RBMS3: variants seen among roughly 807,000 people sequenced by gnomAD.
The protein encoded by RBMS3 is RNA-binding motif, single-stranded-interacting protein 3.
Under a neutral mutation model 66.8 loss-of-function variants are expected in RBMS3, and 27 were observed. The ratio of observed to expected loss-of-function variants is 0.40; its 90% CI spans 0.30 to 0.56. The LOEUF (loss-of-function observed/expected upper bound fraction) is 0.56. Among genes scored for constraint, RBMS3 ranks in the 20% least tolerant of loss-of-function variants. The pLI is 0.40. For synonymous variants in RBMS3, 188 were observed against 183.0 expected, an observed-to-expected ratio of 1.03 and a Z score of -0.22; for missense variants, 513 against 549.5, an observed-to-expected ratio of 0.93 and a Z score of 0.66.
intron 2 of RBMS3, among the ~76,000 whole-genome samples, chr3:29,453,759 G>A (rs769812638): frequency 7.9e-5 from 12 of 152,210 alleles, no homozygotes; most frequent in Non-Finnish European, 1.8e-4. Context: ...GAGGCTGGCT[G>A]GAAGAGGGCA....
chr3:29,446,972 G>T lies in RBMS3; in HGVS notation c.248+12057G>T, dbSNP rs542697167. ...TCTTGTTGCCCAGGCTGGAGTTCGTGGTGCCATCTTGGCTCACTGCACCTC... is the reference window on the plus strand; with the variant it reads ...TCTTGTTGCCCAGGCTGGAGTTCGTTGTGCCATCTTGGCTCACTGCACCTC... On this transcript the variant is annotated intron_variant, in intron 2 of 14. Transcript: ENST00000383767. Among the ~76,000 whole-genome samples, 130 of 134,916 alleles carry T rather than the reference G, an allele frequency of 9.6e-4. 1 individual carries two copies. Among genetic ancestry groups the T allele is most frequent in the African/African-American group, 3.4e-3 (125 of 36,704 alleles). 88.5% of individuals were successfully genotyped at this position (134,916 alleles called of 152,430 possible).
chr3:29,921,155 C>T (rs1334261246), intron 10 of RBMS3, among the ~76,000 whole-genome samples: 1 of 152,020 alleles, frequency 6.6e-6, no homozygotes, highest in Admixed American at 6.6e-5. Flanking sequence ...CTCTCCCTCC[C>T]AGGTTCAAGT....
At chr3:29,958,145 C>T (rs1490861505) in intron 12 of RBMS3, among the ~76,000 whole-genome samples, 1 of 152,162 alleles carries the variant, frequency 6.6e-6, no homozygotes, top group Non-Finnish European at 1.5e-5. Flanking sequence ...ACCCTTTCAT[C>T]TAGCAGAAAA....
At chr3:29,385,255 G>T (rs1393944128) in intron 1 of RBMS3, among the ~76,000 whole-genome samples, 8 of 152,102 alleles carry the variant, frequency 5.3e-5, no homozygotes, top group Non-Finnish European at 1.2e-4. Context: ...ATGCCCAGCA[G>T]ACCTTCGCAA....
intron 5 of RBMS3, among the ~76,000 whole-genome samples, chr3:29,747,037 AAACAC>A: frequency 6.6e-6 from 1 of 152,332 alleles, no homozygotes; most frequent in Non-Finnish European, 1.5e-5. Flanking sequence ...TACCTGCTGT[AAACAC>A]AAAGCATGTC....
At chr3:29,936,278 A>T (rs2061263769) in intron 11 of RBMS3, 82 bp downstream of exon 11, 20 of 1,273,242 alleles carry the variant, frequency 1.6e-5, no homozygotes, top group Non-Finnish European at 1.8e-5. Context: ...ATTATCAGTG[A>T]AACTGTGTCT....
chr3:29,879,692 T>C (rs1477075392), intron 7 of RBMS3, among the ~76,000 whole-genome samples: 1 of 152,174 alleles, frequency 6.6e-6, no homozygotes, highest in Admixed American at 6.5e-5. Flanking sequence ...ATATCAATGT[T>C]TTATTTGTCC....
At chr3:29,824,797 A>C (rs1338127217) in intron 6 of RBMS3, among the ~76,000 whole-genome samples, 1 of 152,216 alleles carries the variant, frequency 6.6e-6, no homozygotes, top group Non-Finnish European at 1.5e-5. Flanking sequence ...TAATTTAAAA[A>C]AGGTAATGCT....
intron 6 of RBMS3, among the ~76,000 whole-genome samples, chr3:29,832,775 C>A (rs7645960): frequency 0.091 from 13,878 of 152,156 alleles, 660 homozygotes; most frequent in East Asian, 0.16. Flanking sequence ...TACAGACTCC[C>A]TGAGGAAGTC....
intron 1 of RBMS3, among the ~76,000 whole-genome samples, chr3:29,296,733 G>T (rs555501676): frequency 6.6e-6 from 1 of 151,896 alleles, no homozygotes; most frequent in Non-Finnish European, 1.5e-5. Context: ...GTTAGACCAA[G>T]AATGTGTATT....
At chr3:29,912,111 G>A (rs1349376469) in intron 10 of RBMS3, among the ~76,000 whole-genome samples, 3 of 151,948 alleles carry the variant, frequency 2.0e-5, no homozygotes. Flanking sequence ...CAGACAGACA[G>A]AATATAGGTA....
intron 2 of RBMS3, among the ~76,000 whole-genome samples, chr3:29,438,092 C>T (rs1266243962): frequency 2.0e-5 from 3 of 151,290 alleles, no homozygotes; most frequent in African/African-American, 7.3e-5. Flanking sequence ...GTGCTTGTTA[C>T]CATTTTACAT....
intron 12 of RBMS3, among the ~76,000 whole-genome samples, chr3:29,979,596 C>G (rs1697840573): frequency 1.3e-5 from 2 of 152,148 alleles, no homozygotes. Context: ...AGCCCCCCAC[C>G]ACCTGACAGG....
intron 6 of RBMS3, among the ~76,000 whole-genome samples, chr3:29,764,948 C>G (rs2055860091): frequency 1.3e-5 from 2 of 151,988 alleles, no homozygotes; most frequent in Admixed American, 1.3e-4. Context: ...TTATAAAACT[C>G]TTAGGAGAGA....
chr3:29,973,561 G>A (rs1292484798), intron 12 of RBMS3, among the ~76,000 whole-genome samples: 1 of 151,802 alleles, frequency 6.6e-6, no homozygotes, highest in Non-Finnish European at 1.5e-5. Context: ...ATAATACTTG[G>A]CATATAATAG....
intron 4 of RBMS3, among the ~76,000 whole-genome samples, chr3:29,679,106 A>T (rs1212233338): frequency 1.3e-5 from 2 of 152,112 alleles, no homozygotes; most frequent in Admixed American, 1.3e-4. Flanking sequence ...CATGGGCACC[A>T]CCTAGACCTG....
At chr3:29,591,387 G>T (rs998108871) in intron 4 of RBMS3, among the ~76,000 whole-genome samples, 2 of 152,128 alleles carry the variant, frequency 1.3e-5, no homozygotes, top group Non-Finnish European at 2.9e-5. Flanking sequence ...GAAACAACAG[G>T]ATACATGCAC....
At chr3:29,530,065 C>T (rs571004604) in intron 3 of RBMS3, among the ~76,000 whole-genome samples, 1 of 152,256 alleles carries the variant, frequency 6.6e-6, no homozygotes, top group East Asian at 1.9e-4. Flanking sequence ...ATTCCCTCTG[C>T]TAGGCATCCC....
intron 7 of RBMS3, among the ~76,000 whole-genome samples, chr3:29,876,896 G>C (rs1248052776): frequency 6.6e-6 from 1 of 152,110 alleles, no homozygotes; most frequent in Non-Finnish European, 1.5e-5. Flanking sequence ...CTATGGGCCA[G>C]ATTTTATCTT....
Sources: allele counts gnomAD v4.1 joint callset (sites outside exome capture counted in the v4.1 genomes callset), GRCh38; gene constraint gnomAD v4.1.1; transcripts MANE v1.5; gene names NCBI Gene and HGNC (gene_info 2026-07-23, HGNC 2026-07-21).